Variants in NFILZ observed in about 807,000 individuals in gnomAD.
NFILZ encodes NFIL3 like protein.
chr19:8,658,130 G>A (rs1555748689), intron 3 of NFILZ, among the ~76,000 whole-genome samples: 1 of 152,204 alleles, frequency 6.6e-6, no homozygotes, highest in East Asian at 1.9e-4. Context: ...AGTGCCTGGT[G>A]TGTTGAGGGA....
At chr19:8,656,349 CT>C (rs2042996619) in intron 3 of NFILZ, among the ~76,000 whole-genome samples, 1 of 146,860 alleles carries the variant, frequency 6.8e-6, no homozygotes, top group Non-Finnish European at 1.5e-5. Flanking sequence ...TGAAGCCCAC[CT>C]CTTCCCTGAA....
intron 3 of NFILZ, among the ~76,000 whole-genome samples, chr19:8,660,881 C>G (rs1223772743): frequency 6.6e-6 from 1 of 151,052 alleles, no homozygotes; most frequent in Non-Finnish European, 1.5e-5. Context: ...CTCAGGGTAC[C>G]TGCCCGCCTC....
chr19:8,670,105 CTTT>C (rs558726484), intron 3 of NFILZ, among the ~76,000 whole-genome samples: 3 of 142,676 alleles, frequency 2.1e-5, no homozygotes, highest in Non-Finnish European at 3.1e-5. Context: ...TGACAGGTGA[CTTT>C]TTTTTTTTTT....
At chr19:8,661,104 T>TTCCTTCCTTCCTCCTTCCTTCCTTCC (rs797027872) in intron 3 of NFILZ, among the ~76,000 whole-genome samples, 34 of 30,318 alleles carry the variant, frequency 1.1e-3, no homozygotes, top group African/African-American at 4.1e-3. Context: ...CCCTTCCTCC[T>TTCCTTCCTTCCTCCTTCCTTCCTTCC]TCCTTCCTTC....
intron 3 of NFILZ, among the ~76,000 whole-genome samples, chr19:8,636,966 C>T (rs1555746168): frequency 1.3e-5 from 2 of 152,106 alleles, no homozygotes; most frequent in East Asian, 3.9e-4. Flanking sequence ...AGGGATAGAG[C>T]TGGGGCCAAG....
At position 8,678,325 on chromosome 19, in the gene NFILZ, G is replaced by T. The variant is rs2043128582; in HGVS notation, c.*690G>T. ...ATTTGTTCTTCCTTCTTTCTATCTA[G>T]CCATCCATTCTCATTCATCCATGCA... On this transcript the variant is annotated 3_prime_UTR_variant, in exon 6 of 6. Transcript: ENST00000691075. 6.7e-6 allele frequency among the ~76,000 whole-genome samples: 1 copy of T among 148,398 alleles called. No individual in the cohort carries two copies. The highest frequency in any genetic ancestry group is 6.7e-5 in the Admixed American group (1 of 14,894).
chr19:8,652,761 CTT>C (rs1406112479), intron 3 of NFILZ, among the ~76,000 whole-genome samples: 3 of 151,914 alleles, frequency 2.0e-5, no homozygotes, highest in African/African-American at 7.2e-5. Context: ...GCATTTCTTT[CTT>C]TCTTTTTTTC....
chr19:8,648,266 C>G (rs1281489664), intron 3 of NFILZ, among the ~76,000 whole-genome samples: 3 of 151,264 alleles, frequency 2.0e-5, no homozygotes, highest in East Asian at 1.9e-4. Context: ...CCATGACACA[C>G]GTTTACCTAT....
chr19:8,674,659 C>T (rs2043103093), intron 4 of NFILZ, among the ~76,000 whole-genome samples, 59 bp downstream of exon 4: 1 of 151,860 alleles, frequency 6.6e-6, no homozygotes, highest in African/African-American at 2.4e-5. Context: ...TCATCTTTGG[C>T]ACTGGGGTTC....
At chr19:8,674,142 A>AT (rs1343552949) in intron 3 of NFILZ, among the ~76,000 whole-genome samples, 2 of 152,060 alleles carry the variant, frequency 1.3e-5, no homozygotes, top group African/African-American at 4.8e-5. Flanking sequence ...GCTTGGCCTT[A>AT]TTTTTTATTC....
At chr19:8,662,937 T>C (rs1555749298) in intron 3 of NFILZ, among the ~76,000 whole-genome samples, 1 of 149,058 alleles carries the variant, frequency 6.7e-6, no homozygotes, top group Non-Finnish European at 1.5e-5. Context: ...CCTAAATTTT[T>C]CTTTTTCTTT....
At chr19:8,651,324 G>T (rs977209380) in intron 3 of NFILZ, among the ~76,000 whole-genome samples, 3 of 152,026 alleles carry the variant, frequency 2.0e-5, no homozygotes, top group Admixed American at 1.3e-4. Flanking sequence ...ACTAGGCCCA[G>T]CTAATTTTTG....
At chr19:8,636,443 A>AT (rs1366833727) in intron 3 of NFILZ, among the ~76,000 whole-genome samples, 214 of 59,200 alleles carry the variant, frequency 3.6e-3, no homozygotes, top group Non-Finnish European at 5.2e-3. Flanking sequence ...GCGAGACTCC[A>AT]TCTTTTTTTT....
chr19:8,645,799 G>T (rs537485890), intron 3 of NFILZ, among the ~76,000 whole-genome samples: 1 of 152,126 alleles, frequency 6.6e-6, no homozygotes, highest in Non-Finnish European at 1.5e-5. Flanking sequence ...GCAGAGGAGA[G>T]GCACCAGAGC....
At chr19:8,656,792 G>A (rs1395183284) in intron 3 of NFILZ, among the ~76,000 whole-genome samples, 3 of 152,200 alleles carry the variant, frequency 2.0e-5, no homozygotes, top group African/African-American at 7.2e-5. Context: ...ACTGAAGGGG[G>A]GTCTGGAGGT....
At chr19:8,631,534 C>T (rs533326073) in intron 1 of NFILZ, among the ~76,000 whole-genome samples, 1 of 152,264 alleles carries the variant, frequency 6.6e-6, no homozygotes, top group South Asian at 2.1e-4. Flanking sequence ...GGACAAAGCC[C>T]AGGGATTAGC....
At position 8,680,319 on chromosome 19, in the gene NFILZ, ATT is replaced by A. The variant is rs2043140456; in HGVS notation, c.*2685_*2686del. Among the ~76,000 whole-genome samples, 1 of 151,414 alleles carries A rather than the reference ATT, an allele frequency of 6.6e-6. No individual in the cohort carries two copies. Among genetic ancestry groups the A allele is most frequent in the African/African-American group, 2.4e-5 (1 of 41,162 alleles). The stretch of plus-strand genomic sequence containing the variant: ...AGCATTTTCATTCATTCATTCATTC[ATT>A]CATTCATTTTTTAATTCATTTGCTT... On this transcript the variant is annotated 3_prime_UTR_variant, in exon 6 of 6. Coordinates refer to ENST00000691075, the MANE Select transcript of NFILZ (RefSeq NM_001378600.1).
intron 3 of NFILZ, among the ~76,000 whole-genome samples, chr19:8,644,115 A>G (rs752046095): frequency 1.1e-4 from 17 of 152,150 alleles, no homozygotes; most frequent in Non-Finnish European, 2.4e-4. Flanking sequence ...TTGATTGATT[A>G]ATTGAGATGG....
rs2042999306 is a variant in NFILZ at position 8,656,405 on chromosome 19, CT to C, written c.-163-18145del. Among the ~76,000 whole-genome samples, 7 of 101,232 alleles carry C rather than the reference CT, an allele frequency of 6.9e-5. 1 individual carries two copies. The East Asian group carries it at 8.7e-4, about 13-fold the overall frequency. 66.4% of individuals were successfully genotyped at this position (101,232 alleles called of 152,430 possible). A position where few individuals can be genotyped will look rare whatever the true frequency, so the allele number is the denominator to read the frequency against. On this transcript the variant is annotated intron_variant, in intron 3 of 5. Transcript: ENST00000691075. ...CCCACCTTCTCCCGCAGCCCACCTT[CT>C]CTCTGAAACCCACCTCTTTCCGCAG...
Sources: allele counts gnomAD v4.1 joint callset (sites outside exome capture counted in the v4.1 genomes callset), GRCh38; gene constraint gnomAD v4.1.1; transcripts MANE v1.5; gene names NCBI Gene and HGNC (gene_info 2026-07-23, HGNC 2026-07-21).